The following KIT variants were observed in gnomAD, a reference collection of about 807,000 sequenced individuals.
KIT encodes mast/stem cell growth factor receptor Kit.
In KIT, 16 loss-of-function variants were observed where a neutral mutation model predicts 105.7. The observed-to-expected ratio is 0.15, with a 90% CI of 0.10 to 0.23. The LOEUF (loss-of-function observed/expected upper bound fraction) is 0.23, where lower values mean the gene tolerates loss of function less well. Among genes scored for constraint, KIT ranks in the 10% least tolerant of loss-of-function variants. The probability of loss-of-function intolerance (pLI) is 1.00; values close to 1 mark genes in which losing one functional copy is unlikely to be tolerated. For synonymous variants in KIT, 438 were observed against 441.1 expected (o/e 0.99, Z 0.09); for missense variants, 858 against 1,213.8 (o/e 0.71, Z 4.36).
chr4:54,684,900 G>A (rs1458910327), intron 1 of KIT, among the ~76,000 whole-genome samples: 2 of 152,156 alleles, frequency 1.3e-5, no homozygotes, highest in East Asian at 1.9e-4. Flanking sequence ...TGCTGTCAGT[G>A]GCCAGTCCTG....
chr4:54,709,812 C>T (rs1015017474), intron 7 of KIT, among the ~76,000 whole-genome samples: 1 of 152,140 alleles, frequency 6.6e-6, no homozygotes, highest in Admixed American at 6.6e-5. Flanking sequence ...GTTGAACATA[C>T]AGTTGTTTGA....
At chr4:54,684,234 T>C (rs1719151531) in intron 1 of KIT, among the ~76,000 whole-genome samples, 2 of 152,050 alleles carry the variant, frequency 1.3e-5, no homozygotes, top group African/African-American at 4.8e-5. Flanking sequence ...AGGATGTGCC[T>C]TTGTGTGCAG....
At chr4:54,660,540 A>G (rs1577902978) in intron 1 of KIT, among the ~76,000 whole-genome samples, 1 of 152,008 alleles carries the variant, frequency 6.6e-6, no homozygotes, top group Non-Finnish European at 1.5e-5. Flanking sequence ...AATGCTATGC[A>G]TTTATAGCAT....
In KIT at chr4:54,729,385, T is replaced by A. The variant is rs1560419344; in HGVS notation, c.2041T>A (p.Phe681Ile). 1.2e-6 allele frequency: 2 copies of A among 1,613,794 alleles called. No homozygotes were observed. Among genetic ancestry groups the A allele is most frequent in the Non-Finnish European group, 1.7e-6 (2 of 1,179,788 alleles). ...TTGTTGCTATGGTGATCTTTTGAAT[T>A]TTTTGAGAAGAAAACGTGATTCATT... ...EYCCYGDLLN[F>I]LRRKRDSFIC... The change falls in exon 14 of 21, where the codon TTT becomes ATT. Residue 681 changes from phenylalanine (F) to isoleucine (I), a missense_variant. Transcript: ENST00000288135.
chr4:54,727,395 T>C (rs2109775260), intron 10 of KIT, 21 bp from the exon 11 acceptor site: 1 of 1,614,102 alleles, frequency 6.2e-7, no homozygotes, highest in East Asian at 2.2e-5. Flanking sequence ...AGGTGATCTA[T>C]TTTTCCCTTT....
At chr4:54,675,234 A>C (rs1165411869) in intron 1 of KIT, among the ~76,000 whole-genome samples, 2 of 152,216 alleles carry the variant, frequency 1.3e-5, no homozygotes, top group Non-Finnish European at 2.9e-5. Flanking sequence ...ATTATCCTAA[A>C]GCCATATGAA....
rs767377458 is a variant in KIT at position 54,709,481 on chromosome 4, A to G, written c.1173A>G (p.Thr391=). 1 of 1,613,996 alleles carries G rather than the reference A, an allele frequency of 6.2e-7. No individual in the cohort carries two copies. The highest frequency in any genetic ancestry group is 1.1e-5 in the South Asian group (1 of 91,082). Residue 391 remains threonine (T), a synonymous_variant, in exon 7 of 21, where the codon ACA becomes ACG. Coordinates refer to ENST00000288135, the MANE Select transcript of KIT (RefSeq NM_000222.3). ...RLKGTEGGTY[T]FLVSNSDVNA... is the part of the protein sequence containing the mutation. ...AAGGCACCGAAGGAGGCACTTACAC[A>G]TTCCTAGTGTCCAATTCTGACGTCA...
chr4:54,705,095 T>G (rs1720707195), intron 5 of KIT, among the ~76,000 whole-genome samples: 1 of 152,246 alleles, frequency 6.6e-6, no homozygotes, highest in Non-Finnish European at 1.5e-5. Flanking sequence ...AATATTAAAC[T>G]CCATAAGCAC....
chr4:54,696,148 C>T (rs552003204), intron 2 of KIT, among the ~76,000 whole-genome samples: 1 of 151,970 alleles, frequency 6.6e-6, no homozygotes, highest in Admixed American at 6.6e-5. Flanking sequence ...TTCAGGGAGC[C>T]GAAGGCCTCT....
At chr4:54,673,244 T>C (rs937120170) in intron 1 of KIT, among the ~76,000 whole-genome samples, 1 of 152,238 alleles carries the variant, frequency 6.6e-6, no homozygotes, top group Non-Finnish European at 1.5e-5. Context: ...TTTGTTCTGA[T>C]CTTTGTTGGC....
chr4:54,684,538 C>A (rs959108319), intron 1 of KIT, among the ~76,000 whole-genome samples: 3 of 152,086 alleles, frequency 2.0e-5, no homozygotes, highest in Non-Finnish European at 2.9e-5. Context: ...TGTTCATCTC[C>A]CCAACTCTTC....
At chr4:54,728,745 T>C (rs1327375458) in intron 13 of KIT, among the ~76,000 whole-genome samples, 3 of 152,204 alleles carry the variant, frequency 2.0e-5, no homozygotes, top group Non-Finnish European at 2.9e-5. Flanking sequence ...ACATCATGAA[T>C]TGTTCATGAG....
intron 1 of KIT, among the ~76,000 whole-genome samples, chr4:54,695,289 A>G (rs1719978436): frequency 6.6e-6 from 1 of 152,178 alleles, no homozygotes; most frequent in Non-Finnish European, 1.5e-5. Context: ...TGGCTTGGGG[A>G]CCAAATGTGA....
chr4:54,707,763 C>A (rs1382651186), intron 6 of KIT, among the ~76,000 whole-genome samples: 1 of 152,174 alleles, frequency 6.6e-6, no homozygotes, highest in East Asian at 1.9e-4. Flanking sequence ...AATAGTAATA[C>A]TTCAGGTAAG....
At chr4:54,702,974 A>G (rs919337442) in intron 4 of KIT, among the ~76,000 whole-genome samples, 1 of 152,182 alleles carries the variant, frequency 6.6e-6, no homozygotes, top group African/African-American at 2.4e-5. Context: ...AAGCTATATT[A>G]GACTTTCTTT....
At chr4:54,734,193 G>A (rs1488988532) in intron 17 of KIT, among the ~76,000 whole-genome samples, 2 of 152,260 alleles carry the variant, frequency 1.3e-5, no homozygotes, top group South Asian at 2.1e-4. Context: ...ATGATAAGTC[G>A]TTAATTATCC....
At chr4:54,658,736 C>T (rs1052440885) in intron 1 of KIT, among the ~76,000 whole-genome samples, 141 of 151,938 alleles carry the variant, frequency 9.3e-4, no homozygotes, top group African/African-American at 3.3e-3. Context: ...GAGTGCGCGG[C>T]GTGGGGCTGT....
intron 1 of KIT, among the ~76,000 whole-genome samples, chr4:54,677,987 T>C (rs73135817): frequency 0.014 from 2,200 of 152,324 alleles, 55 homozygotes; most frequent in African/African-American, 0.049. Context: ...TGTTCACTAT[T>C]TTATTTGCAC....
chr4:54,665,360 G>A (rs183537642), intron 1 of KIT, among the ~76,000 whole-genome samples: 95 of 152,216 alleles, frequency 6.2e-4, no homozygotes, highest in African/African-American at 2.1e-3. Context: ...GAGATTTTTC[G>A]TGGAGACTAT....
Sources: gnomAD v4.1 joint callset for allele counts (sites outside exome capture counted in the v4.1 genomes callset) on GRCh38, gnomAD v4.1.1 for gene constraint, MANE v1.5 for transcripts, NCBI Gene and HGNC (gene_info 2026-07-23, HGNC 2026-07-21) for gene names.